SNX29: variants seen among roughly 807,000 people sequenced by gnomAD.
The protein encoded by SNX29 is sorting nexin-29.
SNX29 carries 78 observed loss-of-function variants against 102.1 expected under a neutral mutation model. The observed-to-expected ratio is 0.76, with a 90% CI of 0.64 to 0.92. The LOEUF (loss-of-function observed/expected upper bound fraction) is 0.92, where lower values mean the gene tolerates loss of function less well. SNX29 is among the 40% of genes least tolerant of loss of function. The pLI is 0.00. For missense variants in SNX29, 1,280 were observed against 1,061.7 expected (o/e 1.21, Z -2.86); for synonymous variants, 580 against 414.5 (o/e 1.40, Z -4.85).
At chr16:12,467,229 G>A (rs1201199414) in intron 18 of SNX29, among the ~76,000 whole-genome samples, 1 of 152,144 alleles carries the variant, frequency 6.6e-6, no homozygotes, top group Non-Finnish European at 1.5e-5. Context: ...CATGGTCCAT[G>A]GCCAGTAGTG....
rs535629448 is a variant in SNX29 at position 12,031,493 on chromosome 16, G to A, written c.247+4049G>A. On this transcript the variant is annotated intron_variant, in intron 4 of 20. Transcript: ENST00000566228. ...AGCTCTCACCCAAGCTCCTACTGGC[G>A]AAACTTCTATTCTCTCTTAAAAAAA... Among the ~76,000 whole-genome samples the A allele has an allele frequency of 2.0e-5, 3 of 151,518 alleles. No individual in the cohort carries two copies. The East Asian group carries it at 5.9e-4, about 30-fold the overall frequency.
chr16:12,139,979 T>TG (rs144110763), intron 13 of SNX29, among the ~76,000 whole-genome samples: 9,064 of 62,682 alleles, frequency 0.14, 924 homozygotes, highest in African/African-American at 0.26. Context: ...ATACCCTGTC[T>TG]CAAAAAAAAA....
chr16:12,532,367 G>A (rs972468023), intron 20 of SNX29, among the ~76,000 whole-genome samples: 1 of 152,170 alleles, frequency 6.6e-6, no homozygotes, highest in Non-Finnish European at 1.5e-5. Context: ...TCTTTCAGCA[G>A]CTCCCAGCAG....
intron 16 of SNX29, among the ~76,000 whole-genome samples, chr16:12,389,615 T>G (rs1190537349): frequency 6.6e-6 from 1 of 152,134 alleles, no homozygotes; most frequent in Non-Finnish European, 1.5e-5. Context: ...TACAAGAACA[T>G]TTGTTCCCTG....
chr16:12,251,706 A>C (rs1363846081), intron 14 of SNX29, among the ~76,000 whole-genome samples: 2 of 152,192 alleles, frequency 1.3e-5, no homozygotes, highest in Admixed American at 1.3e-4. Flanking sequence ...CTGTCTCCAA[A>C]ACAAAAGCAA....
chr16:12,411,184 C>G (rs1421417930), intron 18 of SNX29, among the ~76,000 whole-genome samples: 1 of 152,182 alleles, frequency 6.6e-6, no homozygotes, highest in East Asian at 1.9e-4. Context: ...CTTGCTCACA[C>G]CTGGTCCTTC....
intron 16 of SNX29, among the ~76,000 whole-genome samples, chr16:12,387,322 GGT>G (rs772698731): frequency 4.7e-4 from 72 of 152,176 alleles, no homozygotes; most frequent in Non-Finnish European, 9.1e-4. Flanking sequence ...AGCTTGCTCC[GGT>G]GCCCCATTCT....
chr16:12,274,805 T>C (rs751790326), intron 14 of SNX29, among the ~76,000 whole-genome samples: 16 of 152,200 alleles, frequency 1.1e-4, no homozygotes, highest in Admixed American at 9.8e-4. Flanking sequence ...TGCTACCCTT[T>C]CCTTTACAGT....
intron 13 of SNX29, among the ~76,000 whole-genome samples, chr16:12,130,961 C>T (rs2054440262): frequency 6.6e-6 from 1 of 152,052 alleles, no homozygotes; most frequent in Non-Finnish European, 1.5e-5. Context: ...CCACAGTGAA[C>T]AACCTTTGCA....
chr16:12,562,383 CT>C (rs1567207385), intron 20 of SNX29, among the ~76,000 whole-genome samples: 3 of 84,516 alleles, frequency 3.5e-5, no homozygotes, highest in African/African-American at 1.9e-4. Flanking sequence ...TTTAAAACAG[CT>C]CAAGAGACAG....
At chr16:12,242,268 G>A (rs1293547882) in intron 14 of SNX29, among the ~76,000 whole-genome samples, 1 of 151,466 alleles carries the variant, frequency 6.6e-6, no homozygotes, top group Non-Finnish European at 1.5e-5. Context: ...GGAGAAGGAA[G>A]CTACCAGTGC....
chr16:12,043,058 G>A lies in SNX29; in HGVS notation c.409G>A (p.Ala137Thr). 1 of 1,613,268 alleles carries A rather than the reference G, an allele frequency of 6.2e-7. No homozygotes were observed. Among genetic ancestry groups the A allele is most frequent in the Non-Finnish European group, 8.5e-7 (1 of 1,179,834 alleles). The change falls in exon 5 of 21, where the codon GCC becomes ACC. Residue 137 changes from alanine to threonine, a missense_variant. Transcript: ENST00000566228. Reference protein sequence around the residue: ...SLERYLHMLLADRCRLSTFYE... With the variant: ...SLERYLHMLLTDRCRLSTFYE... The stretch of plus-strand genomic sequence containing the variant: ...GGAGCGCTACCTGCACATGCTCCTG[G>A]CCGACCGCTGCAGGCTGAGGTACGT...
chr16:12,044,750 T>G (rs2050020873), intron 5 of SNX29, among the ~76,000 whole-genome samples: 1 of 152,192 alleles, frequency 6.6e-6, no homozygotes, highest in South Asian at 2.1e-4. Flanking sequence ...GGTTAATTTT[T>G]TGTATTTTTA....
rs2079168743 is a variant in SNX29, at chr16:12,570,685, T to G, written c.*2056T>G. 1 of 231,974 alleles carries G rather than the reference T, an allele frequency of 4.3e-6. No homozygotes were observed. The highest frequency in any genetic ancestry group is 2.2e-5 in the African/African-American group (1 of 45,278). The allele number at this position is 231,974 out of a possible 1,614,324, so 14.4% of individuals were successfully genotyped here. A position where few individuals can be genotyped will look rare whatever the true frequency, so the allele number is the denominator to read the frequency against. On this transcript the variant is annotated 3_prime_UTR_variant, in exon 21 of 21. Coordinates refer to ENST00000566228, the MANE Select transcript of SNX29 (RefSeq NM_032167.5). ...GCCCAGGCTTATGACCTGCACCTTT[T>G]CTGACACCTGCCCCCAAAGCACAGG...
At chr16:12,225,770 G>A (rs1372964410) in intron 14 of SNX29, among the ~76,000 whole-genome samples, 1 of 152,104 alleles carries the variant, frequency 6.6e-6, no homozygotes, top group East Asian at 1.9e-4. Context: ...TCTCAGCAAA[G>A]CCCAAACAAG....
chr16:12,284,898 A>G (rs1440144882), intron 15 of SNX29, among the ~76,000 whole-genome samples: 5 of 151,812 alleles, frequency 3.3e-5, no homozygotes, highest in African/African-American at 7.3e-5. Context: ...CTAATTTTTT[A>G]TATTTTTAAC....
intron 18 of SNX29, among the ~76,000 whole-genome samples, chr16:12,472,057 G>C (rs1415367463): frequency 2.0e-5 from 3 of 152,216 alleles, no homozygotes; most frequent in African/African-American, 7.2e-5. Flanking sequence ...CACCCCAGCA[G>C]AACAGGTGGA....
chr16:12,361,007 G>C (rs1386078112), intron 16 of SNX29, among the ~76,000 whole-genome samples: 1 of 152,192 alleles, frequency 6.6e-6, no homozygotes, highest in East Asian at 1.9e-4. Flanking sequence ...TGGGAGAGGG[G>C]GTCCCCTTAC....
chr16:12,259,144 G>C (rs995380275), intron 14 of SNX29, among the ~76,000 whole-genome samples: 1 of 152,090 alleles, frequency 6.6e-6, no homozygotes, highest in Non-Finnish European at 1.5e-5. Context: ...AGTTGTCTAG[G>C]CTGTACATCA....
Sources: gnomAD v4.1 joint callset for allele counts (sites outside exome capture counted in the v4.1 genomes callset) on GRCh38, gnomAD v4.1.1 for gene constraint, MANE v1.5 for transcripts, NCBI Gene and HGNC (gene_info 2026-07-23, HGNC 2026-07-21) for gene names.